The following TSHZ1 variants were observed in gnomAD, a reference collection of about 807,000 sequenced individuals.
TSHZ1 encodes teashirt homolog 1.
Under a neutral mutation model 67.1 loss-of-function variants are expected in TSHZ1, and 12 were observed. The observed-to-expected ratio is 0.18, with a 90% CI of 0.11 to 0.29. TSHZ1 has a LOEUF of 0.29. Ranked by LOEUF, TSHZ1 falls within the 10% of genes least tolerant of loss-of-function variation. The pLI, the probability that TSHZ1 is intolerant of heterozygous loss-of-function variation, is 1.00. For synonymous variants in TSHZ1, 632 were observed against 622.4 expected (o/e 1.02, Z -0.23); for missense variants, 1,305 against 1,413.9 (o/e 0.92, Z 1.23).
chr18:75,276,119 G>A (rs1383509047), intron 1 of TSHZ1, among the ~76,000 whole-genome samples: 4 of 152,148 alleles, frequency 2.6e-5, no homozygotes, highest in Non-Finnish European at 4.4e-5. Context: ...TCTTAAATTA[G>A]TTTTCTTATT....
Position 75,285,683 on chromosome 18 carries a change from C to T in TSHZ1, c.276C>T (p.Ser92=), listed in dbSNP as rs373269702. Residue 92 remains serine, a synonymous_variant, in exon 2 of 2, where the codon TCC becomes TCT. Transcript: ENST00000580243. ...SDQLAHFKGS[S]SREEKEDPQC... is the part of the protein sequence containing the mutation. ...AGCTAGCCCATTTCAAAGGCTCTTCCTCTCGAGAAGAGAAGGAGGATCCGC... is the reference window on the plus strand; with the variant it reads ...AGCTAGCCCATTTCAAAGGCTCTTCTTCTCGAGAAGAGAAGGAGGATCCGC... 6.5e-5 allele frequency: 105 copies of T among 1,613,998 alleles called. No homozygotes were observed. The highest frequency in any genetic ancestry group is 8.1e-5 in the Non-Finnish European group (96 of 1,180,018).
rs1477640744 is a variant in TSHZ1, at chr18:75,285,483, A to G, written c.76A>G (p.Ile26Val). ...VPEEELKAAE[I>V]DEEHVEDDGL... ...TGAGGAAGAATTGAAGGCAGCAGAA[A>G]TAGATGAAGAGCACGTGGAGGATGA... The change falls in exon 2 of 2, where the codon ATA (isoleucine) becomes GTA (valine). Residue 26 changes from isoleucine (I) to valine (V), a missense_variant. Coordinates refer to ENST00000580243, the MANE Select transcript of TSHZ1 (RefSeq NM_001308210.2). The G allele has an allele frequency of 6.6e-7, 1 of 1,507,820 alleles. No homozygotes were observed. Among genetic ancestry groups the G allele is most frequent in the African/African-American group, 1.4e-5 (1 of 71,616 alleles). The allele number at this position is 1,507,820 out of a possible 1,614,324, so 93.4% of individuals were successfully genotyped here. A position where few individuals can be genotyped will look rare whatever the true frequency, so the allele number is the denominator to read the frequency against.
Position 75,286,959 on chromosome 18 carries a change from G to A in TSHZ1, c.1552G>A (p.Glu518Lys). 1.9e-6 allele frequency: 3 copies of A among 1,614,106 alleles called. No homozygotes were observed. The highest frequency in any genetic ancestry group is 2.5e-6 in the Non-Finnish European group (3 of 1,180,022). ...GGCTGGCGACGCGGAGAAGATCAAG[G>A]AGGAGAGTGAGGACAGCTTGGAGAA... ...PVAGDAEKIK[E>K]ESEDSLEKFE... is the part of the protein sequence containing the mutation. The change falls in exon 2 of 2, where the codon GAG becomes AAG. Residue 518 changes from glutamate (E) to lysine (K), a missense_variant. By Grantham distance (56) the Glu-to-Lys change is moderately conservative. Around this residue, in one of 3 missense-constraint regions of TSHZ1, gnomAD observed 909 missense variants for 961.8 expected, o/e 0.95. Transcript: ENST00000580243. The surrounding 1 kb of genome is among the most constrained non-coding windows in gnomAD (Gnocchi z 5.1).
intron 1 of TSHZ1, among the ~76,000 whole-genome samples, chr18:75,217,441 T>C (rs2022784939): frequency 6.6e-6 from 1 of 152,244 alleles, no homozygotes; most frequent in African/African-American, 2.4e-5. Flanking sequence ...CTTGTCATAG[T>C]AGTGTTTTTG....
At chr18:75,279,550 G>A (rs369692730) in intron 1 of TSHZ1, among the ~76,000 whole-genome samples, 93 of 152,258 alleles carry the variant, frequency 6.1e-4, no homozygotes, top group African/African-American at 2.1e-3. Flanking sequence ...TGCAGTGGCT[G>A]TGGAATTGAG....
intron 1 of TSHZ1, among the ~76,000 whole-genome samples, chr18:75,278,576 G>A (rs2023643743): frequency 6.6e-6 from 1 of 152,074 alleles, no homozygotes; most frequent in Admixed American, 6.6e-5. Context: ...GCCCTTGTTG[G>A]GGGCCTGTGG....
At chr18:75,283,264 G>A (rs1231772514) in intron 1 of TSHZ1, 1 of 152,366 alleles carries the variant, frequency 6.6e-6, no homozygotes, top group Non-Finnish European at 1.5e-5. Context: ...ACATGGCCCA[G>A]GCCAGGCTGG....
intron 1 of TSHZ1, among the ~76,000 whole-genome samples, chr18:75,231,901 A>G (rs986995472): frequency 1.0e-4 from 15 of 144,192 alleles, no homozygotes; most frequent in Non-Finnish European, 1.8e-4. Flanking sequence ...AAATAAGTGC[A>G]TGTGATGCCT....
intron 1 of TSHZ1, among the ~76,000 whole-genome samples, chr18:75,241,860 G>A (rs1490813651): frequency 6.6e-6 from 1 of 150,388 alleles, no homozygotes; most frequent in Non-Finnish European, 1.5e-5. Flanking sequence ...GGCTTGTGGT[G>A]CATCACACCA....
intron 1 of TSHZ1, among the ~76,000 whole-genome samples, chr18:75,234,485 A>T (rs929226246): frequency 5.9e-5 from 9 of 152,190 alleles, no homozygotes; most frequent in African/African-American, 1.9e-4. Context: ...TTGCTCCAAA[A>T]TCTAATAAGT....
intron 1 of TSHZ1, among the ~76,000 whole-genome samples, chr18:75,241,106 A>G (rs1173714693): frequency 6.6e-6 from 1 of 152,134 alleles, no homozygotes; most frequent in African/African-American, 2.4e-5. Flanking sequence ...TTCTATCATC[A>G]GTCACAGGTA....
At chr18:75,235,314 G>A (rs569783227) in intron 1 of TSHZ1, among the ~76,000 whole-genome samples, 9 of 152,200 alleles carry the variant, frequency 5.9e-5, no homozygotes, top group African/African-American at 2.2e-4. Context: ...GGGGACTGCC[G>A]GTCGTACGTT....
intron 1 of TSHZ1, chr18:75,280,937 CAG>C (rs1568367913): frequency 7.4e-6 from 4 of 537,984 alleles, no homozygotes; most frequent in African/African-American, 4.1e-5. Flanking sequence ...TCACACCAGG[CAG>C]AGAGTCGGGG....
Position 75,211,657 on chromosome 18 carries a change from G to GGCCCGCGC in TSHZ1, c.-219_-218insCCCGCGCG, listed in dbSNP as rs2022691270. On this transcript the variant is annotated 5_prime_UTR_variant, in exon 1 of 2. The change abolishes the stop of an existing upstream ORF in the 5' untranslated region. Coordinates refer to ENST00000580243, the MANE Select transcript of TSHZ1 (RefSeq NM_001308210.2). Reference sequence around the variant, plus strand: ...CGCCCGCAGCCCGGCGCCGGGAAGCGGGCCGCGCGGCCGCCGCCGCCGCCT... The same window carrying GGCCCGCGC: ...CGCCCGCAGCCCGGCGCCGGGAAGCGGCCCGCGCGGCCGCGCGGCCGCCGCCGCCGCCT... 7.2e-6 allele frequency: 1 copy of GGCCCGCGC among 138,338 alleles called. No homozygotes were observed. The highest frequency in any genetic ancestry group is 7.1e-5 in the Admixed American group (1 of 14,118). 8.6% of individuals were successfully genotyped at this position (138,338 alleles called of 1,614,324 possible).
chr18:75,211,000 T>TGG lies in TSHZ1; in HGVS notation c.-876_-875dup, dbSNP rs200899664. ...GGTTGTTGTTGCCTTTTTTTTTTCT[T>TGG]GGAGGGGGGGGTGCTTTTTGTGTAT... is the stretch of plus-strand genomic sequence containing the variant. On this transcript the variant is annotated 5_prime_UTR_variant, in exon 1 of 2. It introduces an in-frame stop codon into an upstream open reading frame of the 5' UTR. Transcript: ENST00000580243. 5 of 86,344 alleles carry TGG rather than the reference T, an allele frequency of 5.8e-5. No individual in the cohort carries two copies. The highest frequency in any genetic ancestry group is 1.4e-4 in the African/African-American group (3 of 21,312). 5.3% of individuals were successfully genotyped at this position (86,344 alleles called of 1,614,324 possible).
At chr18:75,213,226 A>G (rs1320033888) in intron 1 of TSHZ1, among the ~76,000 whole-genome samples, 2 of 152,252 alleles carry the variant, frequency 1.3e-5, no homozygotes, top group African/African-American at 4.8e-5. Context: ...TTTCCATTAG[A>G]TCACTGATAG....
intron 1 of TSHZ1, among the ~76,000 whole-genome samples, chr18:75,235,112 C>T (rs766504099): frequency 5.3e-4 from 80 of 152,128 alleles, no homozygotes; most frequent in Middle Eastern, 3.4e-3. Context: ...ACCTCCTGCG[C>T]GTGAATGTGA....
At chr18:75,274,884 T>C (rs1599053223) in intron 1 of TSHZ1, among the ~76,000 whole-genome samples, 1 of 152,268 alleles carries the variant, frequency 6.6e-6, no homozygotes, top group African/African-American at 2.4e-5. Flanking sequence ...TTGTTACTAA[T>C]AGGATTTAAG....
chr18:75,220,206 T>C (rs2022828804), intron 1 of TSHZ1, among the ~76,000 whole-genome samples: 1 of 152,206 alleles, frequency 6.6e-6, no homozygotes, highest in South Asian at 2.1e-4. Flanking sequence ...AAAGTGCTAG[T>C]TGACAGCAAC....
Sources: allele counts gnomAD v4.1 joint callset (sites outside exome capture counted in the v4.1 genomes callset), GRCh38; gene constraint gnomAD v4.1.1; regional missense constraint gnomAD v4.1.1; non-coding constraint Gnocchi (gnomAD v3.1); transcripts MANE v1.5; gene names NCBI Gene and HGNC (gene_info 2026-07-23, HGNC 2026-07-21).